SAR1B: variants seen among roughly 807,000 people sequenced by gnomAD.
The protein encoded by SAR1B is secretion associated Ras related GTPase 1B, also known as small COPII coat GTPase SAR1B.
Under a neutral mutation model 26.8 loss-of-function variants are expected in SAR1B, and 23 were observed. The ratio of observed to expected loss-of-function variants is 0.86; its 90% CI spans 0.62 to 1.22. SAR1B has a LOEUF of 1.22. Ranked by LOEUF, SAR1B falls within the 50% of genes most tolerant of loss-of-function variation. The pLI, the probability that SAR1B is intolerant of heterozygous loss-of-function variation, is 0.00. For missense variants in SAR1B, 196 were observed against 232.8 expected, an observed-to-expected ratio of 0.84 and a Z score of 1.03; for synonymous variants, 65 against 80.8, an observed-to-expected ratio of 0.80 and a Z score of 1.05.
intron 3 of SAR1B, chr5:134,614,853 C>T (rs1422020535): frequency 6.6e-6 from 1 of 152,218 alleles, no homozygotes; most frequent in East Asian, 1.9e-4. Context: ...TTTCCTTTCT[C>T]TCAGGAATCA....
intron 3 of SAR1B, among the ~76,000 whole-genome samples, chr5:134,618,665 G>A (rs180681746): frequency 9.2e-5 from 14 of 152,210 alleles, no homozygotes; most frequent in African/African-American, 2.4e-4. Flanking sequence ...TCTCAAATTC[G>A]TTACATAACC....
chr5:134,601,650 T>C lies in SAR1B; in HGVS notation c.*5300A>G, dbSNP rs1480352063. 1 of 152,230 alleles carries C rather than the reference T, an allele frequency of 6.6e-6. No homozygotes were observed. Among genetic ancestry groups the C allele is most frequent in the African/African-American group, 2.4e-5 (1 of 41,458 alleles). 9.4% of individuals were successfully genotyped at this position (152,230 alleles called of 1,614,324 possible). A position where few individuals can be genotyped will look rare whatever the true frequency, so the allele number is the denominator to read the frequency against. ...AGTTGGCCATTCTGACATGAATCTA[T>C]ACTTGAAAATGAAAACAATCCCAAA... On this transcript the variant is annotated 3_prime_UTR_variant, in exon 7 of 7. Coordinates refer to ENST00000402673, the MANE Select transcript of SAR1B (RefSeq NM_016103.4).
intron 3 of SAR1B, among the ~76,000 whole-genome samples, chr5:134,617,136 G>A (rs529600477): frequency 6.6e-6 from 1 of 152,196 alleles, no homozygotes; most frequent in South Asian, 2.1e-4. Flanking sequence ...GGAGACTGAG[G>A]TGGGAGGAAC....
At chr5:134,619,343 A>AACCCCCTCCCCCTCCCCCTCC in intron 3 of SAR1B, among the ~76,000 whole-genome samples, 1 of 147,076 alleles carries the variant, frequency 6.8e-6, no homozygotes, top group Admixed American at 6.9e-5. Flanking sequence ...AAAAAAAAAA[A>AACCCCCTCCCCCTCCCCCTCC]CTTTCAATTT....
intron 1 of SAR1B, among the ~76,000 whole-genome samples, chr5:134,628,650 TA>T (rs200111327): frequency 2.7e-5 from 4 of 150,594 alleles, no homozygotes; most frequent in East Asian, 3.9e-4. Context: ...ATCCCATCTC[TA>T]AAAAAAAAAT....
chr5:134,614,246 C>T (rs571030952), intron 3 of SAR1B: 1 of 152,274 alleles, frequency 6.6e-6, no homozygotes, highest in South Asian at 2.1e-4. Context: ...CCATTTCTTT[C>T]CTCATGTTTG....
At position 134,609,568 on chromosome 5, in the gene SAR1B, T is replaced by C. The variant is rs1765179987; in HGVS notation, c.348+3A>G. The C allele has an allele frequency of 6.2e-7, 1 of 1,610,278 alleles. No homozygotes were observed. The highest frequency in any genetic ancestry group is 1.1e-5 in the South Asian group (1 of 90,994). On this transcript the variant is annotated splice_donor_region_variant and intron_variant, in intron 5 of 6. Transcript: ENST00000402673. ...TATATTTAGTTTCAGTTATTTAACT[T>C]ACATCAAGTTCTTCTTTTGACTCTA...
intron 3 of SAR1B, among the ~76,000 whole-genome samples, chr5:134,615,642 C>T (rs1281649362): frequency 6.8e-6 from 1 of 147,772 alleles, no homozygotes; most frequent in African/African-American, 2.5e-5. Flanking sequence ...GGTGAAACCC[C>T]GTCTCTACTA....
At chr5:134,625,942 G>A (rs1343886606) in intron 1 of SAR1B, 3 of 152,114 alleles carry the variant, frequency 2.0e-5, no homozygotes, top group Non-Finnish European at 4.4e-5. Context: ...TTTGTCCCAA[G>A]AGAGATAATC....
chr5:134,622,967 C>T (rs1458478259), intron 2 of SAR1B, among the ~76,000 whole-genome samples: 2 of 150,562 alleles, frequency 1.3e-5, no homozygotes, highest in East Asian at 4.0e-4. Context: ...ACTAAAAATA[C>T]AAAAAATTAG....
chr5:134,624,650 CAG>C (rs1254796569), intron 1 of SAR1B, among the ~76,000 whole-genome samples: 2 of 119,320 alleles, frequency 1.7e-5, no homozygotes, highest in Non-Finnish European at 3.3e-5. Context: ...TTTTTTGAGA[CAG>C]AGTCTTGCTC....
At chr5:134,608,606 A>G in intron 5 of SAR1B, 103 bp from the exon 6 acceptor site, 1 of 1,240,254 alleles carries the variant, frequency 8.1e-7, no homozygotes, top group South Asian at 1.3e-5. Flanking sequence ...CTACCATATC[A>G]TGTCATACCA....
chr5:134,605,468 A>T lies in SAR1B; in HGVS notation c.*1482T>A, dbSNP rs1765109305. 1 of 152,102 alleles carries T rather than the reference A, an allele frequency of 6.6e-6. No homozygotes were observed. 9.4% of individuals were successfully genotyped at this position (152,102 alleles called of 1,614,324 possible). On this transcript the variant is annotated 3_prime_UTR_variant, in exon 7 of 7. Coordinates refer to ENST00000402673, the MANE Select transcript of SAR1B (RefSeq NM_016103.4). ...TAAAATTTTCTTAGTAAGCCTAGCAATGAGGCTTGCAGGCCCTATCACATG... is the reference window on the plus strand; with the variant it reads ...TAAAATTTTCTTAGTAAGCCTAGCATTGAGGCTTGCAGGCCCTATCACATG...
chr5:134,608,720 C>T (rs1765169164), intron 5 of SAR1B, among the ~76,000 whole-genome samples: 1 of 152,126 alleles, frequency 6.6e-6, no homozygotes, highest in Non-Finnish European at 1.5e-5. Context: ...GTTTACTCTG[C>T]TCATCCTTTA....
At chr5:134,622,935 A>G (rs1368472891) in intron 2 of SAR1B, among the ~76,000 whole-genome samples, 1 of 150,566 alleles carries the variant, frequency 6.6e-6, no homozygotes, top group African/African-American at 2.4e-5. Flanking sequence ...CAGATTGGCC[A>G]ACACGGTGAA....
chr5:134,612,641 T>TCAAAAA, intron 4 of SAR1B, 50 bp downstream of exon 4: 1 of 764,650 alleles, frequency 1.3e-6, no homozygotes. Flanking sequence ...TGAGCCTGTC[T>TCAAAAA]AAAAAAAAAA....
Position 134,609,618 on chromosome 5 carries a change from C to G in SAR1B, c.301G>C (p.Asp101His). Residue 101 changes from aspartate to histidine, a missense_variant, in exon 5 of 7, where the codon GAT (aspartate) becomes CAT (histidine). By Grantham distance (81) the Asp-to-His change is moderately conservative. Coordinates refer to ENST00000402673, the MANE Select transcript of SAR1B (RefSeq NM_016103.4). ...PAINGIVFLVDCADHERLLES... is the reference protein window; with the variant it reads ...PAINGIVFLVHCADHERLLES... The stretch of plus-strand genomic sequence containing the variant: ...AACAGCCTTTCGTGGTCTGCACAAT[C>G]CACCAGAAATACAATGCCATTGATA... The G allele has an allele frequency of 6.2e-7, 1 of 1,614,180 alleles. No individual in the cohort carries two copies. The highest frequency in any genetic ancestry group is 8.5e-7 in the Non-Finnish European group (1 of 1,180,016).
At chr5:134,609,009 C>T in intron 5 of SAR1B, 1 of 439,408 alleles carries the variant, frequency 2.3e-6, no homozygotes, top group Non-Finnish European at 4.5e-6. Context: ...TATTTGTTTG[C>T]CTGCTCTGGG....
chr5:134,606,438 T>C lies in SAR1B; in HGVS notation c.*512A>G, dbSNP rs1039290629. ...ATTTGCCCAACAAGGATGCCAAACA[T>C]TAGAGTTTGTTTTATTGCATGACGT... On this transcript the variant is annotated 3_prime_UTR_variant, in exon 7 of 7. Coordinates refer to ENST00000402673, the MANE Select transcript of SAR1B (RefSeq NM_016103.4). The C allele has an allele frequency of 6.0e-6, 1 of 166,830 alleles. No individual in the cohort carries two copies. Among genetic ancestry groups the C allele is most frequent in the Admixed American group, 5.7e-5 (1 of 17,630 alleles). 10.3% of individuals were successfully genotyped at this position (166,830 alleles called of 1,614,324 possible).
Sources: gnomAD v4.1 joint callset for allele counts (sites outside exome capture counted in the v4.1 genomes callset) on GRCh38, gnomAD v4.1.1 for gene constraint, MANE v1.5 for transcripts, NCBI Gene and HGNC (gene_info 2026-07-23, HGNC 2026-07-21) for gene names.